Variants in ROR1 observed in about 807,000 individuals in gnomAD.
ROR1 encodes inactive tyrosine-protein kinase transmembrane receptor ROR1.
In ROR1, 19 loss-of-function variants were observed where a neutral mutation model predicts 78.8. The observed-to-expected ratio is 0.24, with a 90% CI of 0.17 to 0.35. The LOEUF (loss-of-function observed/expected upper bound fraction) is 0.35. ROR1 is among the 10% of genes least tolerant of loss of function. ROR1 has a pLI of 1.00. For missense variants in ROR1, 917 were observed against 1,177.8 expected, an observed-to-expected ratio of 0.78 and a Z score of 3.24; for synonymous variants, 386 against 433.6, an observed-to-expected ratio of 0.89 and a Z score of 1.36.
At chr1:64,002,602 CATT>C (rs1646394141) in intron 1 of ROR1, among the ~76,000 whole-genome samples, 1 of 152,046 alleles carries the variant, frequency 6.6e-6, no homozygotes, top group Non-Finnish European at 1.5e-5. Flanking sequence ...AGATGTGTGT[CATT>C]GTGGTGCTTT....
At chr1:63,858,866 G>C (rs935943102) in intron 1 of ROR1, among the ~76,000 whole-genome samples, 32 of 152,290 alleles carry the variant, frequency 2.1e-4, no homozygotes, top group African/African-American at 7.5e-4. Context: ...ATAAAGAAAT[G>C]TGTGAGTATG....
chr1:64,133,522 G>A lies in ROR1; in HGVS notation c.483-3847G>A, dbSNP rs575573945. 9.2e-5 allele frequency among the ~76,000 whole-genome samples: 14 copies of A among 152,288 alleles called. No homozygotes were observed. The East Asian group carries it at 1.2e-3, about 13-fold the overall frequency. On this transcript the variant is annotated intron_variant, in intron 4 of 8. Coordinates refer to ENST00000371079, the MANE Select transcript of ROR1 (RefSeq NM_005012.4). ...GAGGTGGATTACAGACCACATTTGC[G>A]TTTCCCAATCCCATGGCAGAGAATA... is the stretch of plus-strand genomic sequence containing the variant.
intron 8 of ROR1, among the ~76,000 whole-genome samples, chr1:64,169,033 A>C (rs1043973102): frequency 6.6e-6 from 1 of 152,248 alleles, no homozygotes; most frequent in African/African-American, 2.4e-5. Flanking sequence ...AACAAGTGGC[A>C]CTGATGCCTG....
At chr1:64,151,945 G>T (rs1480138131) in intron 7 of ROR1, among the ~76,000 whole-genome samples, 15 of 151,140 alleles carry the variant, frequency 9.9e-5, no homozygotes, top group Admixed American at 9.9e-4. Context: ...TATAAAATCA[G>T]AGAACCTTGG....
At chr1:64,143,025 A>G (rs915646254) in intron 7 of ROR1, 13 of 1,093,572 alleles carry the variant, frequency 1.2e-5, no homozygotes, top group Middle Eastern at 4.3e-4. Flanking sequence ...GCAGGAAGAA[A>G]TTGTTTTCTG....
At chr1:64,155,478 GC>G (rs11305113) in intron 7 of ROR1, among the ~76,000 whole-genome samples, 98,191 of 151,932 alleles carry the variant, frequency 0.65, 32,345 homozygotes, top group Middle Eastern at 0.71. Context: ...AAGACACTGG[GC>G]CCCTTGTGCT....
In ROR1 at chr1:63,774,962, C is replaced by T. The variant is rs1466183807; in HGVS notation, c.91+454C>T. 2.0e-5 allele frequency among the ~76,000 whole-genome samples: 3 copies of T among 152,070 alleles called. No homozygotes were observed. The highest frequency in any genetic ancestry group is 2.9e-5 in the Non-Finnish European group (2 of 68,002). On this transcript the variant is annotated intron_variant, in intron 1 of 8. Coordinates refer to ENST00000371079, the MANE Select transcript of ROR1 (RefSeq NM_005012.4). This position sits in a 1 kb window ranked among gnomAD's most constrained non-coding sequence, Gnocchi z 5.7. ...GGGAGTTTGGATTTTCAGTGGTGCT[C>T]GCCAGAGCCCAGGCGGCTCGCGGAT...
intron 2 of ROR1, among the ~76,000 whole-genome samples, chr1:64,023,699 A>G (rs1317538559): frequency 6.6e-6 from 1 of 152,232 alleles, no homozygotes; most frequent in Non-Finnish European, 1.5e-5. Context: ...CTGAAAAGGA[A>G]TCATATTGAG....
chr1:64,056,951 C>A (rs969749562), intron 4 of ROR1, among the ~76,000 whole-genome samples: 2 of 152,032 alleles, frequency 1.3e-5, no homozygotes, highest in African/African-American at 2.4e-5. Context: ...TATTTTCATT[C>A]TATGGATTGT....
intron 4 of ROR1, among the ~76,000 whole-genome samples, chr1:64,056,044 G>C (rs1022167369): frequency 6.6e-6 from 1 of 152,166 alleles, no homozygotes; most frequent in Non-Finnish European, 1.5e-5. Context: ...AACAGTCCAT[G>C]CATGGCTATA....
chr1:63,930,894 A>G (rs888167734), intron 1 of ROR1, among the ~76,000 whole-genome samples: 2 of 152,212 alleles, frequency 1.3e-5, no homozygotes, highest in African/African-American at 4.8e-5. Flanking sequence ...AGGCTACACA[A>G]ATGTTAACTA....
chr1:63,871,980 G>C (rs1053312737), intron 1 of ROR1, among the ~76,000 whole-genome samples: 9 of 152,214 alleles, frequency 5.9e-5, no homozygotes, highest in Non-Finnish European at 1.3e-4. Flanking sequence ...ATGAGATGCT[G>C]TTGAGATTTA....
At chr1:63,861,491 G>T (rs1569831962) in intron 1 of ROR1, among the ~76,000 whole-genome samples, 2 of 152,156 alleles carry the variant, frequency 1.3e-5, no homozygotes, top group East Asian at 3.8e-4. Context: ...ACCAGGTTTG[G>T]ATGTTACATA....
chr1:64,055,068 TA>T (rs1439434608), intron 4 of ROR1, among the ~76,000 whole-genome samples: 1 of 152,190 alleles, frequency 6.6e-6, no homozygotes, highest in Non-Finnish European at 1.5e-5. Flanking sequence ...ATTACCTCTG[TA>T]AAGACCTATT....
chr1:64,084,703 T>C (rs1490493068), intron 4 of ROR1, among the ~76,000 whole-genome samples: 1 of 152,242 alleles, frequency 6.6e-6, no homozygotes, highest in East Asian at 1.9e-4. Context: ...AGTTGATATG[T>C]CTATGTCTGC....
chr1:63,893,532 G>C (rs1279870851), intron 1 of ROR1, among the ~76,000 whole-genome samples: 1 of 152,202 alleles, frequency 6.6e-6, no homozygotes, highest in Non-Finnish European at 1.5e-5. Flanking sequence ...CATTTCAAGA[G>C]TATCCTTCAT....
At chr1:63,916,922 C>T (rs534667153) in intron 1 of ROR1, among the ~76,000 whole-genome samples, 146 of 152,368 alleles carry the variant, frequency 9.6e-4, no homozygotes, top group Non-Finnish European at 1.8e-3. Context: ...TGCAGTTGCT[C>T]AGGCCTACTT....
intron 1 of ROR1, among the ~76,000 whole-genome samples, chr1:63,805,308 C>G (rs943118071): frequency 6.6e-6 from 1 of 152,168 alleles, no homozygotes; most frequent in Non-Finnish European, 1.5e-5. Flanking sequence ...GGCCCAGGAT[C>G]AGGTCAGCCA....
At chr1:64,070,768 G>A (rs57401797) in intron 4 of ROR1, among the ~76,000 whole-genome samples, 21,647 of 152,178 alleles carry the variant, frequency 0.14, 1,626 homozygotes, top group Middle Eastern at 0.2. Flanking sequence ...AACAATACCA[G>A]GCAAACTCTT....
Sources: gnomAD v4.1 joint callset for allele counts (sites outside exome capture counted in the v4.1 genomes callset) on GRCh38, gnomAD v4.1.1 for gene constraint, Gnocchi (gnomAD v3.1) non-coding constraint, MANE v1.5 for transcripts, NCBI Gene and HGNC (gene_info 2026-07-23, HGNC 2026-07-21) for gene names.